Variants in THSD7B observed in about 807,000 individuals in gnomAD.
The protein encoded by THSD7B is thrombospondin type-1 domain-containing protein 7B.
A neutral mutation model predicts 213.6 loss-of-function variants in THSD7B; 138 were observed. The observed-to-expected ratio is 0.65, with a 90% CI of 0.56 to 0.74. The LOEUF (loss-of-function observed/expected upper bound fraction) is 0.74. THSD7B is among the 30% of genes least tolerant of loss of function. The pLI, the probability that THSD7B is intolerant of heterozygous loss-of-function variation, is 0.00. For missense variants in THSD7B, 1,931 were observed against 1,991.5 expected (o/e 0.97, Z 0.58); for synonymous variants, 742 against 687.0 (o/e 1.08, Z -1.25).
At chr2:137,025,536 GA>G (rs1686535959) in intron 2 of THSD7B, among the ~76,000 whole-genome samples, 1 of 152,120 alleles carries the variant, frequency 6.6e-6, no homozygotes, top group Non-Finnish European at 1.5e-5. Context: ...CACTTCTGTG[GA>G]GTTTTTTTAT....
intron 9 of THSD7B, among the ~76,000 whole-genome samples, chr2:137,236,703 C>T (rs1035858783): frequency 2.0e-5 from 3 of 152,144 alleles, no homozygotes; most frequent in African/African-American, 7.2e-5. Context: ...CCCCATCTAG[C>T]TGAGTGAGAT....
At chr2:136,954,868 A>G (rs1432781600) in intron 2 of THSD7B, among the ~76,000 whole-genome samples, 1 of 152,146 alleles carries the variant, frequency 6.6e-6, no homozygotes, top group Admixed American at 6.5e-5. Flanking sequence ...TTATTTTTAC[A>G]TAAAATATAT....
chr2:137,281,211 T>A (rs1005459012), intron 12 of THSD7B, among the ~76,000 whole-genome samples: 8 of 152,236 alleles, frequency 5.3e-5, no homozygotes, highest in African/African-American at 1.9e-4. Flanking sequence ...TTTGTCACAG[T>A]TTTCTTACAC....
chr2:137,249,666 C>T (rs1168519690), intron 10 of THSD7B, among the ~76,000 whole-genome samples: 1 of 152,160 alleles, frequency 6.6e-6, no homozygotes, highest in Non-Finnish European at 1.5e-5. Flanking sequence ...GTGAGAAACA[C>T]CAAGCTCAGA....
intron 25 of THSD7B, among the ~76,000 whole-genome samples, chr2:137,660,600 T>C (rs2104821038): frequency 6.6e-6 from 1 of 152,318 alleles, no homozygotes; most frequent in African/African-American, 2.4e-5. Context: ...GTAGAAATTG[T>C]AGCTTTTCAC....
intron 7 of THSD7B, among the ~76,000 whole-genome samples, chr2:137,215,439 A>T (rs927382794): frequency 2.0e-5 from 3 of 152,152 alleles, no homozygotes; most frequent in Admixed American, 1.3e-4. Context: ...TGTGATAATC[A>T]ATTCTCCCTA....
chr2:137,231,620 T>G (rs1681642125), intron 8 of THSD7B, among the ~76,000 whole-genome samples: 4 of 152,128 alleles, frequency 2.6e-5, no homozygotes, highest in Non-Finnish European at 2.9e-5. Flanking sequence ...AAATTAATAA[T>G]CAGGAGACAT....
intron 2 of THSD7B, among the ~76,000 whole-genome samples, chr2:136,920,333 C>T (rs1032808834): frequency 2.0e-5 from 3 of 152,176 alleles, no homozygotes; most frequent in Non-Finnish European, 4.4e-5. Flanking sequence ...AGGGAGGAGA[C>T]CTGTAGTCGG....
intron 12 of THSD7B, among the ~76,000 whole-genome samples, chr2:137,311,477 C>G (rs1683904651): frequency 6.6e-6 from 1 of 152,060 alleles, no homozygotes; most frequent in Non-Finnish European, 1.5e-5. Context: ...TTCCTCTTTT[C>G]CTAATTGAAT....
intron 10 of THSD7B, among the ~76,000 whole-genome samples, chr2:137,249,850 A>G (rs1009383109): frequency 1.3e-5 from 2 of 152,232 alleles, no homozygotes; most frequent in African/African-American, 2.4e-5. Context: ...CAAGAATTTG[A>G]AGTCCAGTAC....
intron 11 of THSD7B, 145 bp downstream of exon 11, chr2:137,272,807 C>T: frequency 3.2e-6 from 3 of 935,608 alleles, no homozygotes; most frequent in East Asian, 5.7e-5. Flanking sequence ...ATATTCTTAC[C>T]CTCTTATCTG....
At chr2:137,524,980 A>T in intron 15 of THSD7B, among the ~76,000 whole-genome samples, 1 of 152,266 alleles carries the variant, frequency 6.6e-6, no homozygotes, top group East Asian at 1.9e-4. Context: ...GGGAGACAAT[A>T]AGGAGAGGCC....
At chr2:136,840,195 A>G (rs530219546) in intron 1 of THSD7B, among the ~76,000 whole-genome samples, 1 of 152,074 alleles carries the variant, frequency 6.6e-6, no homozygotes, top group Non-Finnish European at 1.5e-5. Flanking sequence ...CCTGGCCAAC[A>G]TGGTGAAATC....
At chr2:136,823,326 T>C (rs1231934820) in intron 1 of THSD7B, among the ~76,000 whole-genome samples, 1 of 152,224 alleles carries the variant, frequency 6.6e-6, no homozygotes, top group South Asian at 2.1e-4. Flanking sequence ...AGTTTAGTAC[T>C]TCATCTCTCA....
chr2:137,513,219 C>T (rs900027456), intron 15 of THSD7B, among the ~76,000 whole-genome samples: 1 of 152,126 alleles, frequency 6.6e-6, no homozygotes, highest in African/African-American at 2.4e-5. Context: ...GAATAAAAAG[C>T]AGTAGGTTAC....
At chr2:136,939,831 A>T (rs1458714289) in intron 2 of THSD7B, among the ~76,000 whole-genome samples, 1 of 152,126 alleles carries the variant, frequency 6.6e-6, no homozygotes, top group Admixed American at 6.6e-5. Context: ...TAGGCAAGAA[A>T]GGTTTGATTA....
chr2:136,940,253 TA>T lies in THSD7B; in HGVS notation c.139+57937del, dbSNP rs527935984. Among the ~76,000 whole-genome samples, 789 of 152,206 alleles carry T rather than the reference TA, an allele frequency of 5.2e-3. 8 individuals carry two copies. Among genetic ancestry groups the T allele is most frequent in the African/African-American group, 0.018 (741 of 41,526 alleles). Reference sequence around the variant, plus strand: ...GTGTACACATTATTTAGCTCCTACTTATAAGTTAGAACATGTGGTATTTGAC... The same window carrying T: ...GTGTACACATTATTTAGCTCCTACTTTAAGTTAGAACATGTGGTATTTGAC... On this transcript the variant is annotated intron_variant, in intron 2 of 27. Transcript: ENST00000409968.
At chr2:136,823,111 G>C (rs913217376) in intron 1 of THSD7B, among the ~76,000 whole-genome samples, 1 of 152,320 alleles carries the variant, frequency 6.6e-6, no homozygotes, top group South Asian at 2.1e-4. Flanking sequence ...GTTATTTAAC[G>C]TGAAAGAGAT....
intron 15 of THSD7B, among the ~76,000 whole-genome samples, chr2:137,533,460 A>G (rs1680439807): frequency 6.6e-6 from 1 of 151,908 alleles, no homozygotes; most frequent in Admixed American, 6.6e-5. Flanking sequence ...CTACTTATTA[A>G]AAAAACTTCA....
Sources: allele counts gnomAD v4.1 joint callset (sites outside exome capture counted in the v4.1 genomes callset), GRCh38; gene constraint gnomAD v4.1.1; transcripts MANE v1.5; gene names NCBI Gene and HGNC (gene_info 2026-07-23, HGNC 2026-07-21).